EIF5: variants seen among roughly 807,000 people sequenced by gnomAD.
EIF5 encodes the protein eukaryotic translation initiation factor 5.
In EIF5, 10 loss-of-function variants were observed where a neutral mutation model predicts 48.3. That is an observed-to-expected ratio of 0.21 (90% CI 0.13 to 0.35). EIF5 has a LOEUF of 0.35. Among genes scored for constraint, EIF5 ranks in the 10% least tolerant of loss-of-function variants. EIF5 has a pLI of 1.00. For synonymous variants in EIF5, 237 were observed against 173.1 expected (o/e 1.37, Z -2.90); for missense variants, 397 against 533.2 (o/e 0.74, Z 2.51).
Position 103,336,865 on chromosome 14 carries a change from G to T in EIF5, c.327+16G>T. On this transcript the variant is annotated intron_variant, in intron 5 of 11. Coordinates refer to ENST00000216554, the MANE Select transcript of EIF5 (RefSeq NM_001969.5). ...AACAGATTTGGTAAGTGCTTTTGTGGTTGTCGAAAGAAAAAGCCATATACC... is the reference window on the plus strand; with the variant it reads ...AACAGATTTGGTAAGTGCTTTTGTGTTTGTCGAAAGAAAAAGCCATATACC... The T allele has an allele frequency of 6.2e-7, 1 of 1,603,802 alleles. No homozygotes were observed. The highest frequency in any genetic ancestry group is 8.5e-7 in the Non-Finnish European group (1 of 1,175,666).
Position 103,339,378 on chromosome 14 carries a change from G to T in EIF5, c.906+45G>T, listed in dbSNP as rs370932821. 3.2e-6 allele frequency: 5 copies of T among 1,556,852 alleles called. No homozygotes were observed. The African/African-American group carries it at 5.5e-5, about 17-fold the overall frequency. On this transcript the variant is annotated intron_variant, in intron 9 of 11. Coordinates refer to ENST00000216554, the MANE Select transcript of EIF5 (RefSeq NM_001969.5). ...TTCATAAATGAGATTACAGTTGTGT[G>T]GCTTTCGAGATGGTCATATTAACCA...
In EIF5 at chr14:103,335,973, T is replaced by G. The variant is rs367935720; in HGVS notation, c.72+41T>G. 4.7e-4 allele frequency: 763 copies of G among 1,613,896 alleles called. 2 individuals are homozygous for G. The highest frequency in any genetic ancestry group is 6.2e-4 in the Non-Finnish European group (730 of 1,179,890). ...TCAATTTAGTTGATAGCTCTTTTTG[T>G]AGAATTTTGAAGTTTGCATTTGTCA... On this transcript the variant is annotated intron_variant, in intron 3 of 11. Transcript: ENST00000216554.
chr14:103,340,453 A>C lies in EIF5; in HGVS notation c.1098A>C (p.Glu366Asp), dbSNP rs780971088. 6 of 1,606,704 alleles carry C rather than the reference A, an allele frequency of 3.7e-6. No individual in the cohort carries two copies. In the South Asian group the frequency reaches 5.5e-5, roughly 15 times the overall value. The change falls in exon 11 of 12, where the codon GAA becomes GAC. Residue 366 changes from glutamate (E) to aspartate (D), a missense_variant. Coordinates refer to ENST00000216554, the MANE Select transcript of EIF5 (RefSeq NM_001969.5). Reference protein sequence around the residue: ...EKASKKYVSKELAKEIRVKAE... With the variant: ...EKASKKYVSKDLAKEIRVKAE... ...CCTCTAAGAAATATGTCTCCAAAGA[A>C]CTTGCCAAAGAGATTCGTGTCAAAG...
At position 103,342,584 on chromosome 14, in the gene EIF5, A is replaced by C. The variant is rs1441603859; in HGVS notation, c.*1532A>C. The C allele has an allele frequency of 6.6e-6, 1 of 152,440 alleles. No homozygotes were observed. Among genetic ancestry groups the C allele is most frequent in the Non-Finnish European group, 1.5e-5 (1 of 68,036 alleles). The allele number at this position is 152,440 out of a possible 1,614,324, so 9.4% of individuals were successfully genotyped here. On this transcript the variant is annotated 3_prime_UTR_variant, in exon 12 of 12. Transcript: ENST00000216554. The stretch of plus-strand genomic sequence containing the variant: ...ACCTTAATAACAAATAGGCGTAAAA[A>C]AATTTTCACATTGAAATGATAGAAA...
rs778339636 is a variant in EIF5 at position 103,339,595 on chromosome 14, G to A, written c.907-44G>A. 7 of 1,610,498 alleles carry A rather than the reference G, an allele frequency of 4.3e-6. No homozygotes were observed. The South Asian group carries it at 4.4e-5, about 10-fold the overall frequency. On this transcript the variant is annotated intron_variant, in intron 9 of 11. Transcript: ENST00000216554. The stretch of plus-strand genomic sequence containing the variant: ...TTTGGGTAATAGAGTTGTCAACTTA[G>A]AACACATAAAAAAGATTGTTAACAC...
chr14:103,340,417 C>T lies in EIF5; in HGVS notation c.1072-10C>T, dbSNP rs760928208. ...TCCTCAACTAAGAGACTTGTACTCACATTTTTTAGGCCTCTAAGAAATATG... is the reference window on the plus strand; with the variant it reads ...TCCTCAACTAAGAGACTTGTACTCATATTTTTTAGGCCTCTAAGAAATATG... On this transcript the variant is annotated splice_polypyrimidine_tract_variant and intron_variant, in intron 10 of 11. Transcript: ENST00000216554. 1.3e-6 allele frequency: 2 copies of T among 1,596,258 alleles called. No individual in the cohort carries two copies. The highest frequency in any genetic ancestry group is 1.3e-5 in the African/African-American group (1 of 74,614).
rs1595365042 is a variant in EIF5, at chr14:103,339,779, G to A, written c.1047G>A (p.Glu349=). 1.2e-5 allele frequency: 20 copies of A among 1,614,168 alleles called. No homozygotes were observed. Among genetic ancestry groups the A allele is most frequent in the African/African-American group, 4.0e-5 (3 of 75,044 alleles). ...EMYDADLLEE[E]VIISWSEKAS... is the part of the protein sequence containing the mutation. ...ACGATGCAGACCTTTTAGAAGAAGA[G>A]GTCATCATCAGCTGGTCGGAAAAGG... The change falls in exon 10 of 12, where the codon GAG becomes GAA. Residue 349 remains glutamate (E), a synonymous_variant. Coordinates refer to ENST00000216554, the MANE Select transcript of EIF5 (RefSeq NM_001969.5).
chr14:103,338,698 A>G, intron 7 of EIF5, 37 bp from the exon 8 acceptor site: 3 of 1,593,860 alleles, frequency 1.9e-6, no homozygotes, highest in Non-Finnish European at 2.6e-6. Context: ...TGTTGTTTTT[A>G]AGGCCTTTGA....
chr14:103,338,322 T>A lies in EIF5; in HGVS notation c.440-5T>A. The A allele has an allele frequency of 6.2e-7, 1 of 1,609,906 alleles. No individual in the cohort carries two copies. Among genetic ancestry groups the A allele is most frequent in the Non-Finnish European group, 8.5e-7 (1 of 1,178,786 alleles). On this transcript the variant is annotated splice_region_variant and splice_polypyrimidine_tract_variant and intron_variant, in intron 6 of 11. Coordinates refer to ENST00000216554, the MANE Select transcript of EIF5 (RefSeq NM_001969.5). ...TTAAATTTTTATTTCCCTTTTTTTCTGTAGAGAATAGTGACAGTGGTACAG... is the reference window on the plus strand; with the variant it reads ...TTAAATTTTTATTTCCCTTTTTTTCAGTAGAGAATAGTGACAGTGGTACAG...
chr14:103,339,479 A>G (rs1281796550), intron 9 of EIF5, 146 bp downstream of exon 9: 2 of 1,392,072 alleles, frequency 1.4e-6, no homozygotes, highest in South Asian at 1.4e-5. Flanking sequence ...TGAAAGTGCC[A>G]TACCTAGGCC....
At chr14:103,334,803 G>GCTCGGGCTGA (rs1448059115) in intron 2 of EIF5, 1 of 150,268 alleles carries the variant, frequency 6.7e-6, no homozygotes, top group African/African-American at 2.4e-5. Flanking sequence ...CGTGCCCGCC[G>GCTCGGGCTGA]CTCGGGCTGA....
chr14:103,339,886 T>G, intron 10 of EIF5, 83 bp downstream of exon 10: 7 of 1,453,296 alleles, frequency 4.8e-6, no homozygotes, highest in Non-Finnish European at 6.5e-6. Context: ...GGAGACGGAG[T>G]CTCATTCTGT....
In EIF5 at chr14:103,341,057, A is replaced by C. The variant is rs1211774403; in HGVS notation, c.*5A>C. On this transcript the variant is annotated 3_prime_UTR_variant, in exon 12 of 12. Coordinates refer to ENST00000216554, the MANE Select transcript of EIF5 (RefSeq NM_001969.5). ...ATCGATATTGATGCCATTTAAAGGGATGGATGCAACCTAGCTTAACAGTAT... is the reference window on the plus strand; with the variant it reads ...ATCGATATTGATGCCATTTAAAGGGCTGGATGCAACCTAGCTTAACAGTAT... The C allele has an allele frequency of 5.0e-6, 8 of 1,613,910 alleles. No homozygotes were observed. The highest frequency in any genetic ancestry group is 6.8e-6 in the Non-Finnish European group (8 of 1,179,796).
In EIF5 at chr14:103,340,959, A is replaced by G. The variant is rs753655107; in HGVS notation, c.1207-4A>G. The G allele has an allele frequency of 8.7e-6, 14 of 1,613,122 alleles. No individual in the cohort carries two copies. In the South Asian group the frequency reaches 1.3e-4, roughly 15 times the overall value. ...ATGTTGAATAAAATCATTCCTCTTA[A>G]CAGGTGGTGTATTCGAAGGCTGCCA... is the stretch of plus-strand genomic sequence containing the variant. On this transcript the variant is annotated splice_region_variant and splice_polypyrimidine_tract_variant and intron_variant, in intron 11 of 11. Coordinates refer to ENST00000216554, the MANE Select transcript of EIF5 (RefSeq NM_001969.5).
chr14:103,338,433 A>G lies in EIF5; in HGVS notation c.546A>G (p.Pro182=). 6.3e-7 allele frequency: 1 copy of G among 1,591,640 alleles called. No individual in the cohort carries two copies. Among genetic ancestry groups the G allele is most frequent in the African/African-American group, 1.4e-5 (1 of 73,954 alleles). Residue 182 remains proline, a synonymous_variant, in exon 7 of 12, where the codon CCA becomes CCG. Transcript: ENST00000216554. ...CCAGCAGTGAGACACCACCACCACC[A>G]CCACCACCAAATGAAATTAATCCTC... ...SVSSSETPPP[P]PPPNEINPPP...
Position 103,339,710 on chromosome 14 carries a change from A to G in EIF5, c.978A>G (p.Gln326=). 6.2e-7 allele frequency: 1 copy of G among 1,614,232 alleles called. No homozygotes were observed. The highest frequency in any genetic ancestry group is 1.1e-5 in the South Asian group (1 of 91,088). The change falls in exon 10 of 12, where the codon CAA becomes CAG. Residue 326 remains glutamine (Q), a synonymous_variant. Coordinates refer to ENST00000216554, the MANE Select transcript of EIF5 (RefSeq NM_001969.5). The stretch of plus-strand genomic sequence containing the variant: ...TGGAGTGTGTGGTAGCAATGCATCA[A>G]GCTCAGCTTATCTCCAAGATTCCAC... ...HGLECVVAMH[Q]AQLISKIPHI...
At position 103,341,251 on chromosome 14, in the gene EIF5, T is replaced by G. The variant is rs2089349551; in HGVS notation, c.*199T>G. The G allele has an allele frequency of 5.9e-6, 3 of 512,348 alleles. No individual in the cohort carries two copies. Among genetic ancestry groups the G allele is most frequent in the Non-Finnish European group, 1.1e-5 (3 of 283,670 alleles). 31.7% of individuals were successfully genotyped at this position (512,348 alleles called of 1,614,324 possible). ...GAGTCCATACACATCAGTGAGCAGA[T>G]GTAGTTTGCTTATTTATAGCATGTT... On this transcript the variant is annotated 3_prime_UTR_variant, in exon 12 of 12. Transcript: ENST00000216554.
chr14:103,337,694 A>G (rs1489213962), intron 6 of EIF5: 1 of 379,842 alleles, frequency 2.6e-6, no homozygotes, highest in African/African-American at 2.1e-5. Context: ...ATTAAAGGTG[A>G]AAAATAGGCT....
At chr14:103,335,502 C>T (rs2089274652) in intron 2 of EIF5, 151 bp from the exon 3 acceptor site, 1 of 302,698 alleles carries the variant, frequency 3.3e-6, no homozygotes, top group South Asian at 3.8e-5. Flanking sequence ...TACTGTGTTA[C>T]ATGAGAATGG....
Sources: allele counts gnomAD v4.1 joint callset, GRCh38; gene constraint gnomAD v4.1.1; transcripts MANE v1.5; gene names NCBI Gene and HGNC (gene_info 2026-07-23, HGNC 2026-07-21).